LINGO1: variants seen among roughly 807,000 people sequenced by gnomAD.
The protein encoded by LINGO1 is leucine rich repeat and Ig domain containing 1.
LINGO1 carries 11 observed loss-of-function variants against 37.3 expected under a neutral mutation model. That is an observed-to-expected ratio of 0.29 (90% CI 0.19 to 0.49). The LOEUF (loss-of-function observed/expected upper bound fraction) is 0.49, where lower values mean the gene tolerates loss of function less well. Among genes scored for constraint, LINGO1 ranks in the 20% least tolerant of loss-of-function variants. The pLI, the probability that LINGO1 is intolerant of heterozygous loss-of-function variation, is 0.99. For synonymous variants in LINGO1, 387 were observed against 403.0 expected, an observed-to-expected ratio of 0.96 and a Z score of 0.48; for missense variants, 585 against 878.2, an observed-to-expected ratio of 0.67 and a Z score of 4.22.
chr15:77,660,752 C>A (rs187150194), intron 3 of LINGO1, among the ~76,000 whole-genome samples: 18 of 152,226 alleles, frequency 1.2e-4, no homozygotes, highest in African/African-American at 4.3e-4. Flanking sequence ...GGGTGAGTAG[C>A]CTTCAAGGGC....
intron 2 of LINGO1, among the ~76,000 whole-genome samples, chr15:77,794,983 C>T (rs1196448088): frequency 6.6e-6 from 1 of 152,148 alleles, no homozygotes; most frequent in Non-Finnish European, 1.5e-5. Context: ...CCACATACAA[C>T]CGTCACCCTA....
intron 1 of LINGO1, among the ~76,000 whole-genome samples, chr15:77,744,148 G>A (rs1211440578): frequency 6.6e-6 from 1 of 152,204 alleles, no homozygotes; most frequent in African/African-American, 2.4e-5. Flanking sequence ...CAGACACCAG[G>A]GCTGCCTGGA....
At chr15:77,665,274 C>T (rs765812668) in intron 3 of LINGO1, among the ~76,000 whole-genome samples, 1 of 152,224 alleles carries the variant, frequency 6.6e-6, no homozygotes, top group South Asian at 2.1e-4. Flanking sequence ...GTCATGTCCT[C>T]TCCAGCCAGG....
intron 3 of LINGO1, among the ~76,000 whole-genome samples, chr15:77,663,112 G>A (rs970488265): frequency 2.6e-5 from 4 of 152,230 alleles, no homozygotes; most frequent in Non-Finnish European, 5.9e-5. Flanking sequence ...GCATCTGGAA[G>A]TCCTTCCTAA....
At chr15:77,713,612 CACTT>C (rs1424195414) in intron 2 of LINGO1, among the ~76,000 whole-genome samples, 4 of 151,986 alleles carry the variant, frequency 2.6e-5, no homozygotes, top group Admixed American at 2.6e-4. Context: ...TATATATAAA[CACTT>C]ACATACACAC....
At chr15:77,714,702 G>A (rs1445505327) in intron 2 of LINGO1, among the ~76,000 whole-genome samples, 1 of 152,220 alleles carries the variant, frequency 6.6e-6, no homozygotes, top group East Asian at 1.9e-4. Flanking sequence ...GAATGGGTGA[G>A]CTCTCCCTGC....
chr15:77,804,756 G>A (rs1809822580), intron 1 of LINGO1, among the ~76,000 whole-genome samples: 2 of 152,208 alleles, frequency 1.3e-5, no homozygotes, highest in African/African-American at 4.8e-5. Flanking sequence ...CCCAGCTGCA[G>A]CAGGCTACTG....
At chr15:77,776,501 G>GA (rs2076648435) in intron 1 of LINGO1, among the ~76,000 whole-genome samples, 4 of 79,324 alleles carry the variant, frequency 5.0e-5, no homozygotes, top group Admixed American at 1.3e-4. Context: ...AGGAAGGCAG[G>GA]AAGGCAGGAA....
At chr15:77,754,458 A>C (rs762781617) in intron 1 of LINGO1, among the ~76,000 whole-genome samples, 1 of 152,218 alleles carries the variant, frequency 6.6e-6, no homozygotes, top group African/African-American at 2.4e-5. Flanking sequence ...GGATAATAAC[A>C]ATCACTCTGA....
upstream of LINGO1, among the ~76,000 whole-genome samples, chr15:77,635,465 C>G (rs985335679): frequency 6.6e-6 from 1 of 152,180 alleles, no homozygotes; most frequent in Admixed American, 6.5e-5. Flanking sequence ...CATCTCTCCT[C>G]TCCTGTCGGG....
At chr15:77,766,665 A>T (rs543769922) in intron 1 of LINGO1, among the ~76,000 whole-genome samples, 12 of 152,130 alleles carry the variant, frequency 7.9e-5, no homozygotes, top group African/African-American at 2.7e-4. Context: ...GCTTGCACTC[A>T]CTCTGTCCTG....
At chr15:77,809,891 G>A (rs563922199) in intron 1 of LINGO1, among the ~76,000 whole-genome samples, 3 of 152,232 alleles carry the variant, frequency 2.0e-5, no homozygotes, top group East Asian at 1.9e-4. Context: ...TTCCCCAACC[G>A]CAGAGAACAG....
chr15:77,813,454 G>C (rs1187846612), intron 1 of LINGO1, among the ~76,000 whole-genome samples: 1 of 152,152 alleles, frequency 6.6e-6, no homozygotes, highest in African/African-American at 2.4e-5. Context: ...CGCCAGCCTG[G>C]AGGTAACAGG....
chr15:77,777,614 C>CA lies in LINGO1; in HGVS notation c.-257+9254dup, dbSNP rs200707493. Among the ~76,000 whole-genome samples the CA allele has an allele frequency of 5.4e-3, 828 of 152,194 alleles. 7 individuals are homozygous for CA. Among genetic ancestry groups the CA allele is most frequent in the African/African-American group, 0.019 (785 of 41,500 alleles). Reference sequence around the variant, plus strand: ...CGCCACACACTTGGTGGCTTAAAAACAAAAAATTTTATAAACAGAAATTTA... The same window carrying CA: ...CGCCACACACTTGGTGGCTTAAAAACAAAAAAATTTTATAAACAGAAATTTA... On this transcript the variant is annotated intron_variant, in intron 1 of 3. Transcript: ENST00000561686.
chr15:77,802,337 G>T (rs771450338), intron 1 of LINGO1, among the ~76,000 whole-genome samples: 2 of 152,110 alleles, frequency 1.3e-5, no homozygotes, highest in Non-Finnish European at 2.9e-5. Flanking sequence ...TGTGTGTCTG[G>T]AGGGAGAGGA....
rs566823964 is a variant in LINGO1, at chr15:77,770,543, G to A, written c.-257+16326C>T. Among the ~76,000 whole-genome samples the A allele has an allele frequency of 9.6e-4, 139 of 144,548 alleles. 1 individual carries two copies. The highest frequency in any genetic ancestry group is 3.5e-3 in the African/African-American group (135 of 38,382). 94.8% of individuals were successfully genotyped at this position (144,548 alleles called of 152,430 possible). ...TGGAGGTTGCAGTGAGCAGAAGATC[G>A]TGCCATTGCACTCCAGCCTGGGTAA... is the stretch of plus-strand genomic sequence containing the variant. On this transcript the variant is annotated intron_variant, in intron 1 of 3. Transcript: ENST00000561686.
chr15:77,783,438 C>G (rs1211432914), intron 1 of LINGO1, among the ~76,000 whole-genome samples: 1 of 152,158 alleles, frequency 6.6e-6, no homozygotes, highest in Non-Finnish European at 1.5e-5. Context: ...CTGCCCCTAC[C>G]TTGGTAGGGC....
intron 2 of LINGO1, among the ~76,000 whole-genome samples, chr15:77,732,961 C>T (rs1045099207): frequency 6.6e-6 from 1 of 152,234 alleles, no homozygotes; most frequent in Non-Finnish European, 1.5e-5. Flanking sequence ...CGGCCACGGC[C>T]GGCCTCCTGG....
upstream of LINGO1, among the ~76,000 whole-genome samples, chr15:77,791,229 TG>T (rs2076816075): frequency 1.3e-5 from 2 of 151,716 alleles, no homozygotes; most frequent in South Asian, 4.2e-4. Flanking sequence ...ACAGGAGACA[TG>T]AGGGACAAGA....
Sources: gnomAD v4.1 joint callset for allele counts (sites outside exome capture counted in the v4.1 genomes callset) on GRCh38, gnomAD v4.1.1 for gene constraint, MANE v1.5 for transcripts, NCBI Gene and HGNC (gene_info 2026-07-23, HGNC 2026-07-21) for gene names.